The following COA8 variants were observed in gnomAD, a reference collection of about 807,000 sequenced individuals.
COA8 encodes the protein cytochrome c oxidase assembly factor 8.
COA8 carries 20 observed loss-of-function variants against 22.0 expected under a neutral mutation model. The observed-to-expected ratio is 0.91, with a 90% CI of 0.64 to 1.32. The LOEUF is 1.32. Ranked by LOEUF, COA8 falls within the 40% of genes most tolerant of loss-of-function variation. COA8 has a pLI of 0.00. For missense variants in COA8, 266 were observed against 230.0 expected, an observed-to-expected ratio of 1.16 and a Z score of -1.01; for synonymous variants, 105 against 79.9, an observed-to-expected ratio of 1.31 and a Z score of -1.68.
intron 3 of COA8, among the ~76,000 whole-genome samples, chr14:103,580,527 C>T (rs918845715): frequency 6.7e-6 from 1 of 149,958 alleles, no homozygotes; most frequent in Non-Finnish European, 1.5e-5. Flanking sequence ...CGGAGTCTCA[C>T]TCTGTCGCCA....
chr14:103,563,229 T>C, intron 1 of COA8, 105 bp downstream of exon 1: 1 of 1,427,006 alleles, frequency 7.0e-7, no homozygotes, highest in Non-Finnish European at 9.5e-7. Flanking sequence ...CTCAGGCCTT[T>C]GTCCAGGTGC....
intron 1 of COA8, among the ~76,000 whole-genome samples, chr14:103,570,274 T>C (rs755505080): frequency 1.3e-5 from 2 of 152,246 alleles, no homozygotes; most frequent in Admixed American, 1.3e-4. Context: ...CTAAAAAGGA[T>C]TCCTAAATTG....
intron 3 of COA8, among the ~76,000 whole-genome samples, chr14:103,580,044 G>A (rs1389764542): frequency 6.6e-6 from 1 of 152,022 alleles, no homozygotes; most frequent in Admixed American, 6.6e-5. Context: ...GTAATCCAGG[G>A]ATGACTTAAA....
intron 1 of COA8, among the ~76,000 whole-genome samples, chr14:103,569,054 T>C (rs182575695): frequency 1.2e-4 from 19 of 152,298 alleles, no homozygotes; most frequent in African/African-American, 4.6e-4. Context: ...CTGAGGCTGC[T>C]TCTCAGGAGA....
intron 2 of COA8, among the ~76,000 whole-genome samples, chr14:103,572,075 G>A (rs866931810): frequency 1.5e-4 from 22 of 151,586 alleles, no homozygotes; most frequent in Middle Eastern, 3.4e-3. Context: ...TGCAGTGAGC[G>A]GAGATTGCGC....
rs778923080 is a variant in COA8 at position 103,574,066 on chromosome 14, A to AGTTCTGAG, written c.322-40_322-33dup. ...AGAAAAATGGAAAGACAGAGAAAGGAGTTCTGAGAGCCTTTTTTTTTTTTT... is the reference window on the plus strand; with the variant it reads ...AGAAAAATGGAAAGACAGAGAAAGGAGTTCTGAGGTTCTGAGAGCCTTTTTTTTTTTTT... On this transcript the variant is annotated intron_variant, in intron 2 of 4. Transcript: ENST00000409074. The AGTTCTGAG allele has an allele frequency of 4.6e-5, 63 of 1,378,894 alleles. 1 individual carries two copies. In the South Asian group the frequency reaches 8.1e-4, roughly 18 times the overall value. 85.4% of individuals were successfully genotyped at this position (1,378,894 alleles called of 1,614,324 possible).
rs1022051201 is a variant in COA8, at chr14:103,588,531, G to A, written c.476+1167G>A. Among the ~76,000 whole-genome samples the A allele has an allele frequency of 1.3e-4, 20 of 152,036 alleles. 1 individual carries two copies. Among genetic ancestry groups the A allele is most frequent in the Admixed American group, 5.9e-4 (9 of 15,246 alleles). ...CCAGAGTTACAAAGCCTGATGGGCA[G>A]GTGAAGCCAGACTTCAAGAATGTCG... On this transcript the variant is annotated intron_variant, in intron 4 of 4. Coordinates refer to ENST00000409074, the MANE Select transcript of COA8 (RefSeq NM_001370595.2).
chr14:103,570,489 T>C (rs2076174789), intron 1 of COA8, among the ~76,000 whole-genome samples: 1 of 152,038 alleles, frequency 6.6e-6, no homozygotes, highest in South Asian at 2.1e-4. Context: ...TCCCAGCACT[T>C]TGGGAGGCTG....
chr14:103,587,421 T>TCAG, intron 4 of COA8, 57 bp downstream of exon 4: 1 of 1,196,108 alleles, frequency 8.4e-7, no homozygotes, highest in Non-Finnish European at 1.2e-6. Flanking sequence ...TAGGTAGGAG[T>TCAG]GTTTTCTTAC....
At chr14:103,568,610 T>G (rs1444512153) in intron 1 of COA8, among the ~76,000 whole-genome samples, 2 of 87,010 alleles carry the variant, frequency 2.3e-5, no homozygotes, top group African/African-American at 9.5e-5. Context: ...CGTATATATA[T>G]ATGTGTGTGT....
intron 3 of COA8, among the ~76,000 whole-genome samples, chr14:103,585,010 T>G (rs538878083): frequency 6.6e-6 from 1 of 152,050 alleles, no homozygotes; most frequent in South Asian, 2.1e-4. Flanking sequence ...TGGTGGTGCG[T>G]GCCTGTAATC....
chr14:103,587,564 G>A (rs1281308625), intron 4 of COA8, among the ~76,000 whole-genome samples, 200 bp downstream of exon 4: 1 of 145,636 alleles, frequency 6.9e-6, no homozygotes, highest in Non-Finnish European at 1.5e-5. Flanking sequence ...CTGGAGTGCA[G>A]TGGCGCCATC....
At chr14:103,578,505 T>G (rs2076245039) in intron 3 of COA8, among the ~76,000 whole-genome samples, 1 of 152,028 alleles carries the variant, frequency 6.6e-6, no homozygotes, top group African/African-American at 2.4e-5. Flanking sequence ...ATTCCCAGAG[T>G]GTTTATGCAG....
chr14:103,562,973 G>T lies in COA8; in HGVS notation c.-29G>T. ...CCTCGCGCCGTCGCAATGCTGCCGT[G>T]CGCCGCGGGAGCCAGGGGGCGTGGG... On this transcript the variant is annotated 5_prime_UTR_variant, in exon 1 of 5. Coordinates refer to ENST00000409074, the MANE Select transcript of COA8 (RefSeq NM_001370595.2). The T allele has an allele frequency of 6.6e-7, 1 of 1,517,190 alleles. No individual in the cohort carries two copies. Among genetic ancestry groups the T allele is most frequent in the East Asian group, 2.4e-5 (1 of 41,072 alleles). The allele number at this position is 1,517,190 out of a possible 1,614,324, so 94.0% of individuals were successfully genotyped here.
chr14:103,570,898 G>C (rs2076179024), intron 1 of COA8, among the ~76,000 whole-genome samples: 1 of 152,278 alleles, frequency 6.6e-6, no homozygotes, highest in South Asian at 2.1e-4. Flanking sequence ...GATTGGTCTG[G>C]GTGCAATCAC....
rs752143250 is a variant in COA8, at chr14:103,590,401, A to AG, written c.*119dup. ...TCTCAAGAAGCCCCACATCTTCCTA[A>AG]GGGGCCCCATGGCCTGTTTGGGGGC... On this transcript the variant is annotated 3_prime_UTR_variant, in exon 5 of 5. Transcript: ENST00000409074. The AG allele has an allele frequency of 1.2e-5, 13 of 1,079,806 alleles. No homozygotes were observed. The highest frequency in any genetic ancestry group is 1.6e-5 in the Non-Finnish European group (12 of 754,338). 66.9% of individuals were successfully genotyped at this position (1,079,806 alleles called of 1,614,324 possible). A position where few individuals can be genotyped will look rare whatever the true frequency, so the allele number is the denominator to read the frequency against.
intron 4 of COA8, chr14:103,588,116 CAAAAA>C (rs1221577064): frequency 9.8e-4 from 63 of 64,610 alleles, no homozygotes; most frequent in East Asian, 3.0e-3. Flanking sequence ...AACTCCATCT[CAAAAA>C]AAAAAAAAAA....
At chr14:103,586,347 A>G (rs2076307073) in intron 3 of COA8, among the ~76,000 whole-genome samples, 1 of 151,306 alleles carries the variant, frequency 6.6e-6, no homozygotes, top group Non-Finnish European at 1.5e-5. Context: ...AGCTAAGACT[A>G]CAGGCATGTA....
At chr14:103,576,170 G>T (rs772717544) in intron 3 of COA8, among the ~76,000 whole-genome samples, 1 of 152,130 alleles carries the variant, frequency 6.6e-6, no homozygotes, top group Non-Finnish European at 1.5e-5. Context: ...GCTGGTCGTG[G>T]TGGCACTTGC....
Sources: gnomAD v4.1 joint callset for allele counts (sites outside exome capture counted in the v4.1 genomes callset) on GRCh38, gnomAD v4.1.1 for gene constraint, MANE v1.5 for transcripts, NCBI Gene and HGNC (gene_info 2026-07-23, HGNC 2026-07-21) for gene names.